Variants in COLEC10 observed in about 807,000 individuals in gnomAD.
COLEC10 encodes collectin-10.
Under a neutral mutation model 28.4 loss-of-function variants are expected in COLEC10, and 22 were observed. That is an observed-to-expected ratio of 0.78 (90% CI 0.55 to 1.11). COLEC10 has a LOEUF of 1.11. Ranked by LOEUF, COLEC10 falls within the 50% of genes least tolerant of loss-of-function variation. The probability of loss-of-function intolerance (pLI) is 0.00; values close to 1 mark genes in which losing one functional copy is unlikely to be tolerated. For synonymous variants in COLEC10, 125 were observed against 116.1 expected (o/e 1.08, Z -0.49); for missense variants, 361 against 344.1 (o/e 1.05, Z -0.39).
At chr8:119,026,637 A>G (rs1689389236) in intron 2 of COLEC10, among the ~76,000 whole-genome samples, 1 of 152,190 alleles carries the variant, frequency 6.6e-6, no homozygotes, top group Admixed American at 6.5e-5. Flanking sequence ...CTCAGAGAAC[A>G]GACTCTGAAA....
At chr8:118,955,303 T>A in the COLEC10 span, among the ~76,000 whole-genome samples, 1 of 152,216 alleles carries the variant, frequency 6.6e-6, no homozygotes, top group Non-Finnish European at 1.5e-5. Flanking sequence ...TGGGTATGTC[T>A]TTTAAAAAAT....
chr8:119,059,141 A>C (rs2450084), intron 2 of COLEC10, among the ~76,000 whole-genome samples: 33,206 of 151,866 alleles, frequency 0.22, 3,828 homozygotes, highest in East Asian at 0.37. Flanking sequence ...TGATTTGTAA[A>C]TGTTTTTTCC....
chr8:119,098,494 C>T (rs1815763823), intron 3 of COLEC10, among the ~76,000 whole-genome samples: 1 of 152,010 alleles, frequency 6.6e-6, no homozygotes, highest in Admixed American at 6.6e-5. Context: ...ATCTGTTTCC[C>T]CTCATAGACC....
the COLEC10 span, among the ~76,000 whole-genome samples, chr8:118,983,261 C>T: frequency 1.7e-3 from 256 of 152,184 alleles, no homozygotes; most frequent in African/African-American, 5.6e-3. Flanking sequence ...AAATCCTTCC[C>T]GAATTTCAAA....
chr8:118,956,548 C>T, the COLEC10 span, among the ~76,000 whole-genome samples: 9 of 152,072 alleles, frequency 5.9e-5, no homozygotes, highest in African/African-American at 1.2e-4. Context: ...AAACTTTTTC[C>T]AGTCACTCTA....
Position 119,067,343 on chromosome 8 carries a change from T to A in COLEC10, c.62T>A (p.Leu21Ter), listed in dbSNP as rs772569149. 1.2e-6 allele frequency: 2 copies of A among 1,614,098 alleles called. No homozygotes were observed. Among genetic ancestry groups the A allele is most frequent in the Non-Finnish European group, 1.7e-6 (2 of 1,179,970 alleles). Reference protein sequence around the residue: ...NQFILLVLFLLQIQSLGLDID... With the variant: ...NQFILLVLFL ...TTTATCCTCCTGGTACTATTTCTTT[T>A]GCAAATTCAGAGTCTGGGTCTGGAT... Residue 21 changes from leucine to a stop codon, truncating the protein, a stop_gained, in exon 1 of 6, where the codon TTG (leucine) becomes TAG (stop). Coordinates refer to ENST00000332843, the MANE Select transcript of COLEC10 (RefSeq NM_006438.5). LOFTEE classifies it high-confidence loss of function.
At chr8:119,091,042 G>A (rs535319215) in intron 2 of COLEC10, 107 bp from the exon 3 acceptor site, 2 of 831,374 alleles carry the variant, frequency 2.4e-6, no homozygotes, top group Non-Finnish European at 2.0e-6. Flanking sequence ...GATATCACTG[G>A]TAGAAGAATA....
At chr8:118,992,285 C>T (rs1230309380), upstream of COLEC10, among the ~76,000 whole-genome samples, 1 of 152,054 alleles carries the variant, frequency 6.6e-6, no homozygotes, top group Non-Finnish European at 1.5e-5. Context: ...TGTCAGTGTG[C>T]TCTTCAGTGT....
intron 2 of COLEC10, among the ~76,000 whole-genome samples, chr8:119,014,358 T>C (rs1394579173): frequency 1.3e-5 from 2 of 150,050 alleles, no homozygotes; most frequent in Non-Finnish European, 1.5e-5. Flanking sequence ...TCTAGATTGG[T>C]AGGTCTTTTC....
chr8:119,067,542 C>A, intron 1 of COLEC10, 113 bp downstream of exon 1: 1 of 998,216 alleles, frequency 1.0e-6, no homozygotes, highest in Non-Finnish European at 1.4e-6. Flanking sequence ...TAGTTTCCTC[C>A]CATTTTCCTT....
At chr8:118,974,951 AC>A in the COLEC10 span, among the ~76,000 whole-genome samples, 1 of 152,014 alleles carries the variant, frequency 6.6e-6, no homozygotes, top group African/African-American at 2.4e-5. Context: ...CAGGAAGGTT[AC>A]TTTTAAAGGG....
At chr8:118,994,778 A>T (rs973781095), upstream of COLEC10, among the ~76,000 whole-genome samples, 4 of 152,216 alleles carry the variant, frequency 2.6e-5, no homozygotes, top group Non-Finnish European at 5.9e-5. Context: ...ATGTGACAGT[A>T]ACATCGGGGA....
At chr8:119,064,437 A>G (rs1814915319), upstream of COLEC10, among the ~76,000 whole-genome samples, 1 of 152,210 alleles carries the variant, frequency 6.6e-6, no homozygotes, top group Admixed American at 6.5e-5. Context: ...AAATAAACAA[A>G]TAGTGAAGTA....
upstream of COLEC10, among the ~76,000 whole-genome samples, chr8:118,994,307 G>T (rs1342517108): frequency 1.3e-5 from 2 of 152,056 alleles, no homozygotes; most frequent in Non-Finnish European, 2.9e-5. Context: ...TGGCAAAAAT[G>T]GATCTTAAGT....
chr8:119,091,367 G>C, intron 3 of COLEC10, 147 bp downstream of exon 3: 3 of 497,786 alleles, frequency 6.0e-6, no homozygotes, highest in Non-Finnish European at 3.5e-6. Context: ...GCACAACACA[G>C]CAAGACCCAA....
At chr8:119,105,749 C>T (rs1342343131) in intron 5 of COLEC10, 51 bp from the exon 6 acceptor site, 1 of 1,477,230 alleles carries the variant, frequency 6.8e-7, no homozygotes, top group South Asian at 1.3e-5. Flanking sequence ...AATTTTGTTG[C>T]CTTTTATCTT....
intron 1 of COLEC10, among the ~76,000 whole-genome samples, chr8:119,077,548 A>G (rs76315903): frequency 0.036 from 5,427 of 152,302 alleles, 128 homozygotes; most frequent in African/African-American, 0.062. Flanking sequence ...AAATGTAGAA[A>G]AATGACTGGG....
the COLEC10 span, among the ~76,000 whole-genome samples, chr8:118,956,345 C>T: frequency 2.6e-5 from 4 of 152,152 alleles, no homozygotes; most frequent in Admixed American, 6.5e-5. Context: ...ATTCTCTGAA[C>T]TTCACCCTGC....
At chr8:119,007,245 G>A (rs1300754070) in intron 1 of COLEC10, among the ~76,000 whole-genome samples, 1 of 152,040 alleles carries the variant, frequency 6.6e-6, no homozygotes, top group East Asian at 1.9e-4. Flanking sequence ...ATAAATCCCA[G>A]AAACAGATAG....
Sources: gnomAD v4.1 joint callset for allele counts (sites outside exome capture counted in the v4.1 genomes callset) on GRCh38, gnomAD v4.1.1 for gene constraint, MANE v1.5 for transcripts, NCBI Gene and HGNC (gene_info 2026-07-23, HGNC 2026-07-21) for gene names.